The following COL5A2 variants were observed in gnomAD, a reference collection of about 807,000 sequenced individuals.
The protein encoded by COL5A2 is collagen type V alpha 2 chain, also known as collagen alpha-2(V) chain.
In COL5A2, 23 loss-of-function variants were observed where a neutral mutation model predicts 208.2. That is an observed-to-expected ratio of 0.11 (90% confidence interval 0.08 to 0.16). The LOEUF is 0.16. Among genes scored for constraint, COL5A2 ranks in the 10% least tolerant of loss-of-function variants. COL5A2 has a pLI of 1.00. For synonymous variants in COL5A2, 625 were observed against 628.5 expected (o/e 0.99, Z 0.08); for missense variants, 1,590 against 1,956.4 (o/e 0.81, Z 3.53).
At chr2:189,102,518 T>G (rs553408572) in intron 3 of COL5A2, among the ~76,000 whole-genome samples, 2 of 152,256 alleles carry the variant, frequency 1.3e-5, no homozygotes, top group South Asian at 4.1e-4. Context: ...AATAATGGTC[T>G]GTCTAAAGTT....
Position 189,179,640 on chromosome 2 carries a change from G to A in COL5A2, c.-36C>T, listed in dbSNP as rs758870410. The A allele has an allele frequency of 5.1e-6, 8 of 1,574,748 alleles. No homozygotes were observed. The Admixed American group carries it at 1.4e-4, about 28-fold the overall frequency. ...TAGACATGTGGGTTCTCCTGAGAGT[G>A]AAAAGTAGATTCTGAGGTTATTGTA... On this transcript the variant is annotated 5_prime_UTR_variant, in exon 1 of 54. Transcript: ENST00000374866.
chr2:189,440,557 C>T, the COL5A2 span, among the ~76,000 whole-genome samples: 2 of 152,164 alleles, frequency 1.3e-5, no homozygotes, highest in Non-Finnish European at 2.9e-5. Flanking sequence ...TTGAAAGATC[C>T]TTATGTGACA....
the COL5A2 span, among the ~76,000 whole-genome samples, chr2:189,418,501 T>G: frequency 6.6e-6 from 1 of 152,190 alleles, no homozygotes; most frequent in African/African-American, 2.4e-5. Flanking sequence ...ATTCCAACTA[T>G]AAGTTCAGGA....
intron 35 of COL5A2, among the ~76,000 whole-genome samples, chr2:189,054,824 T>A (rs1055241635): frequency 1.3e-5 from 2 of 149,180 alleles, no homozygotes; most frequent in African/African-American, 4.9e-5. Context: ...GATCCTCCCA[T>A]CTCAGACTCC....
At chr2:189,433,371 C>T in the COL5A2 span, among the ~76,000 whole-genome samples, 1 of 152,036 alleles carries the variant, frequency 6.6e-6, no homozygotes, top group South Asian at 2.1e-4. Context: ...AAAGACCCTT[C>T]AAAAAATCAA....
In COL5A2 at chr2:189,142,492, A is replaced by G. The variant is rs542129272; in HGVS notation, c.98-32043T>C. On this transcript the variant is annotated intron_variant, in intron 1 of 53. Transcript: ENST00000374866. ...AATTGAATGCACTTATTAAGCACTC[A>G]ATAAATGGTAGCCTCAAAGTAATGA... Among the ~76,000 whole-genome samples the G allele has an allele frequency of 8.9e-4, 136 of 152,260 alleles. 2 individuals carry two copies. Among genetic ancestry groups the G allele is most frequent in the African/African-American group, 3.2e-3 (134 of 41,574 alleles).
the COL5A2 span, among the ~76,000 whole-genome samples, chr2:189,405,800 A>G: frequency 2.0e-5 from 3 of 152,228 alleles, no homozygotes; most frequent in Non-Finnish European, 2.9e-5. Flanking sequence ...GAATTATAGC[A>G]CATTTTAGTC....
chr2:189,075,889 G>T (rs945601438), intron 16 of COL5A2, among the ~76,000 whole-genome samples: 7 of 152,102 alleles, frequency 4.6e-5, no homozygotes, highest in African/African-American at 1.7e-4. Context: ...TATTCATCCT[G>T]CCAGCTGGAA....
intron 1 of COL5A2, among the ~76,000 whole-genome samples, chr2:189,190,978 T>C (rs955407249): frequency 3.9e-5 from 6 of 152,068 alleles, no homozygotes; most frequent in Admixed American, 2.0e-4. Context: ...AGTTCTATTA[T>C]ACAAACACAC....
chr2:189,246,357 A>G, the COL5A2 span, among the ~76,000 whole-genome samples: 1 of 152,362 alleles, frequency 6.6e-6, no homozygotes, highest in African/African-American at 2.4e-5. Context: ...GTAGAGAAAT[A>G]AAGAAAAGGC....
At chr2:189,419,242 T>C in the COL5A2 span, among the ~76,000 whole-genome samples, 1 of 152,216 alleles carries the variant, frequency 6.6e-6, no homozygotes, top group African/African-American at 2.4e-5. Flanking sequence ...ATTTATCTCC[T>C]AGTCTACCAA....
the COL5A2 span, among the ~76,000 whole-genome samples, chr2:189,269,975 GT>G: frequency 2.6e-5 from 4 of 152,258 alleles, no homozygotes; most frequent in Non-Finnish European, 5.9e-5. Flanking sequence ...GGGTGTATGT[GT>G]CCAGGAATTT....
the COL5A2 span, among the ~76,000 whole-genome samples, chr2:189,347,741 T>G: frequency 6.6e-6 from 1 of 152,186 alleles, no homozygotes; most frequent in African/African-American, 2.4e-5. Flanking sequence ...TTTCTGGAAC[T>G]CCTGTTTGTC....
At chr2:189,213,734 A>C (rs551586895) in intron 1 of COL5A2, among the ~76,000 whole-genome samples, 10 of 152,332 alleles carry the variant, frequency 6.6e-5, no homozygotes, top group African/African-American at 2.4e-4. Flanking sequence ...ATGCCTATAA[A>C]TACATAGTTG....
At chr2:189,377,499 A>C in the COL5A2 span, among the ~76,000 whole-genome samples, 1 of 152,236 alleles carries the variant, frequency 6.6e-6, no homozygotes, top group African/African-American at 2.4e-5. Flanking sequence ...AGTTTCTTGA[A>C]TAGTACTTAC....
chr2:189,288,227 A>T, the COL5A2 span, among the ~76,000 whole-genome samples: 5 of 152,336 alleles, frequency 3.3e-5, no homozygotes, highest in African/African-American at 1.2e-4. Flanking sequence ...ATAACCATGC[A>T]TATGTTAACT....
rs372270389 is a variant in COL5A2 at position 189,057,403 on chromosome 2, G to C, written c.2254C>G (p.Pro752Ala). The C allele has an allele frequency of 6.2e-7, 1 of 1,613,666 alleles. No individual in the cohort carries two copies. The stretch of plus-strand genomic sequence containing the variant: ...AGACCTGGTGGGCCTGTATCTCCAG[G>C]GGTCCCAGATGGACCTGGACTGCCC... ...PKGSPGPSGT[P>A]GDTGPPGLQG... is the part of the protein sequence containing the mutation. The change falls in exon 34 of 54, where the codon CCT becomes GCT. Residue 752 changes from proline to alanine, a missense_variant. Coordinates refer to ENST00000374866, the MANE Select transcript of COL5A2 (RefSeq NM_000393.5).
chr2:189,347,408 A>G, the COL5A2 span, among the ~76,000 whole-genome samples: 1 of 152,198 alleles, frequency 6.6e-6, no homozygotes, highest in African/African-American at 2.4e-5. Context: ...TTCATGGAAA[A>G]GATTTATGTT....
the COL5A2 span, among the ~76,000 whole-genome samples, chr2:189,432,248 C>A: frequency 6.6e-6 from 1 of 152,176 alleles, no homozygotes; most frequent in East Asian, 1.9e-4. Context: ...TAAAGACCAT[C>A]AATGCTAGGA....
Sources: allele counts gnomAD v4.1 joint callset (sites outside exome capture counted in the v4.1 genomes callset), GRCh38; gene constraint gnomAD v4.1.1; transcripts MANE v1.5; gene names NCBI Gene and HGNC (gene_info 2026-07-23, HGNC 2026-07-21).